The following ELF2 variants were observed in gnomAD, a reference collection of about 807,000 sequenced individuals.
ELF2 encodes ETS-related transcription factor Elf-2.
In ELF2, 11 loss-of-function variants were observed where a neutral mutation model predicts 54.8. That is an observed-to-expected ratio of 0.20 (90% CI 0.13 to 0.33). The LOEUF is 0.33. Ranked by LOEUF, ELF2 falls within the 10% of genes least tolerant of loss-of-function variation. The pLI is 1.00. For missense variants in ELF2, 513 were observed against 703.0 expected, an observed-to-expected ratio of 0.73 and a Z score of 3.06; for synonymous variants, 203 against 245.1, an observed-to-expected ratio of 0.83 and a Z score of 1.61.
Position 139,067,744 on chromosome 4 carries a change from A to G in ELF2, c.553T>C (p.Ser185Pro), listed in dbSNP as rs762876497. The change falls in exon 7 of 10, where the codon TCA (serine) becomes CCA (proline). Residue 185 changes from serine to proline, a missense_variant. Coordinates refer to ENST00000686138, the MANE Select transcript of ELF2 (RefSeq NM_001331036.3). ...TCAGGAGACCCATTGGAAATTGGTG[A>G]TTGCTGGGTCTTTGGTTTACGGCCA... ...KVGRKPKTQQ[S>P]PISNGSPELG... 1 of 1,603,804 alleles carries G rather than the reference A, an allele frequency of 6.2e-7. No individual in the cohort carries two copies. The highest frequency in any genetic ancestry group is 1.7e-5 in the Admixed American group (1 of 59,902).
At chr4:139,161,849 C>T (rs888660692) in intron 1 of ELF2, among the ~76,000 whole-genome samples, 2 of 151,946 alleles carry the variant, frequency 1.3e-5, no homozygotes, top group African/African-American at 4.8e-5. Flanking sequence ...AATCCCAGCA[C>T]TTTGGGAGGC....
upstream of ELF2, chr4:139,177,242 C>T (rs1323394066): frequency 1.4e-5 from 2 of 147,918 alleles, no homozygotes; most frequent in Non-Finnish European, 3.0e-5. Flanking sequence ...CCGCTCCGCT[C>T]CCGGCCCCCT....
intron 1 of ELF2, among the ~76,000 whole-genome samples, chr4:139,160,031 G>C (rs1208481846): frequency 6.6e-6 from 1 of 152,200 alleles, no homozygotes; most frequent in Non-Finnish European, 1.5e-5. Flanking sequence ...TGATAGATGT[G>C]GAAGATACTA....
At chr4:139,101,782 G>C (rs1396553898) in intron 4 of ELF2, 1 of 152,088 alleles carries the variant, frequency 6.6e-6, no homozygotes, top group Admixed American at 6.6e-5. Flanking sequence ...TAGGCCTTCA[G>C]ATGAAGCCTA....
At chr4:139,062,131 G>T in intron 7 of ELF2, 74 bp from the exon 8 acceptor site, 1 of 1,356,704 alleles carries the variant, frequency 7.4e-7, no homozygotes, top group Non-Finnish European at 1.0e-6. Context: ...CAAATAAAGT[G>T]TCCTTCATTG....
intron 4 of ELF2, among the ~76,000 whole-genome samples, chr4:139,082,132 T>C (rs184598039): frequency 4.3e-4 from 66 of 152,318 alleles, no homozygotes; most frequent in African/African-American, 1.5e-3. Flanking sequence ...TAGTTTCCAA[T>C]GGCAAAGTGA....
chr4:139,165,254 T>A (rs1741606916), intron 1 of ELF2, among the ~76,000 whole-genome samples: 1 of 152,228 alleles, frequency 6.6e-6, no homozygotes, highest in South Asian at 2.1e-4. Context: ...AATCTTTTGA[T>A]TATTACTGTG....
chr4:139,063,866 A>T lies in ELF2; in HGVS notation c.614-1809T>A, dbSNP rs567906599. Among the ~76,000 whole-genome samples, 624 of 152,332 alleles carry T rather than the reference A, an allele frequency of 4.1e-3. 24 individuals carry two copies. The highest frequency in any genetic ancestry group is 0.038 in the Admixed American group (578 of 15,296). ...GGAATCTGGGCAAGTAAAAAAAAAA[A>T]ACTTAATCCCAAAAGGAAGAAAGTA... On this transcript the variant is annotated intron_variant, in intron 7 of 9. Coordinates refer to ENST00000686138, the MANE Select transcript of ELF2 (RefSeq NM_001331036.3).
At chr4:139,148,174 T>C (rs1404765965) in intron 1 of ELF2, among the ~76,000 whole-genome samples, 1 of 151,410 alleles carries the variant, frequency 6.6e-6, no homozygotes. Context: ...ATGAATATAA[T>C]TATATAATAT....
At chr4:139,075,680 C>T (rs1310553105) in intron 4 of ELF2, among the ~76,000 whole-genome samples, 2 of 152,122 alleles carry the variant, frequency 1.3e-5, no homozygotes, top group Non-Finnish European at 2.9e-5. Flanking sequence ...ACACCCGCCT[C>T]GGCCTCTCAA....
intron 4 of ELF2, among the ~76,000 whole-genome samples, chr4:139,092,720 G>C (rs1732806125): frequency 6.6e-6 from 1 of 151,930 alleles, no homozygotes; most frequent in African/African-American, 2.4e-5. Context: ...AGAATGGCGT[G>C]AACCTGGGAG....
intron 1 of ELF2, among the ~76,000 whole-genome samples, chr4:139,176,589 G>A (rs1289856000): frequency 1.3e-5 from 2 of 152,006 alleles, no homozygotes; most frequent in African/African-American, 4.8e-5. Context: ...TCCGCTTCTC[G>A]GCAGAGGTGA....
In ELF2 at chr4:139,125,317, C is replaced by T; in HGVS notation, c.85G>A (p.Val29Ile). 12 of 1,606,882 alleles carry T rather than the reference C, an allele frequency of 7.5e-6. No homozygotes were observed. Among genetic ancestry groups the T allele is most frequent in the Non-Finnish European group, 1.0e-5 (12 of 1,178,454 alleles). ...ACAATCACTGCTGGATATTCAGAAA[C>T]CTTTTCACTTTCCTATAAGAGCAAA... The part of the protein sequence containing the change: ...GVENQEESEK[V>I]SEYPAVIVEP... Residue 29 changes from valine to isoleucine, a missense_variant, in exon 4 of 10, where the codon GTT becomes ATT. Physicochemically the swap from Val to Ile is conservative, Grantham distance 29. Around this residue, in one of 3 missense-constraint regions of ELF2, gnomAD observed 203 missense variants for 245.9 expected, o/e 0.83. Transcript: ENST00000686138.
At chr4:139,079,057 A>AT (rs1730718723) in intron 4 of ELF2, among the ~76,000 whole-genome samples, 1 of 151,940 alleles carries the variant, frequency 6.6e-6, no homozygotes, top group South Asian at 2.1e-4. Flanking sequence ...TCTCAAGTAG[A>AT]TGAGACCACA....
At chr4:139,060,963 T>C (rs962109240) in intron 8 of ELF2, among the ~76,000 whole-genome samples, 1 of 152,186 alleles carries the variant, frequency 6.6e-6, no homozygotes, top group Admixed American at 6.5e-5. Context: ...CCGTTGACTA[T>C]TTTACTATAC....
At chr4:139,107,541 T>C (rs981392549) in intron 4 of ELF2, among the ~76,000 whole-genome samples, 2 of 152,010 alleles carry the variant, frequency 1.3e-5, no homozygotes, top group East Asian at 3.9e-4. Flanking sequence ...AAAATCAAAC[T>C]AAAACACAAC....
chr4:139,116,815 T>C (rs1416367179), intron 4 of ELF2: 2 of 713,230 alleles, frequency 2.8e-6, no homozygotes, highest in Non-Finnish European at 3.4e-6. Context: ...TTTCTGATGG[T>C]ATAACAAATA....
chr4:139,151,082 A>AAGAAAGAAAGGG (rs1739932967), intron 1 of ELF2, among the ~76,000 whole-genome samples: 1 of 121,864 alleles, frequency 8.2e-6, no homozygotes, highest in African/African-American at 3.5e-5. Context: ...GAAAGAAAGA[A>AAGAAAGAAAGGG]AGAAAGAAAG....
intron 1 of ELF2, among the ~76,000 whole-genome samples, chr4:139,152,619 C>T (rs2148887703): frequency 6.6e-6 from 1 of 152,252 alleles, no homozygotes; most frequent in South Asian, 2.1e-4. Context: ...GTGTGAGCCA[C>T]CAGGCAGAGC....
Sources: allele counts gnomAD v4.1 joint callset (sites outside exome capture counted in the v4.1 genomes callset), GRCh38; gene constraint gnomAD v4.1.1; regional missense constraint gnomAD v4.1.1; transcripts MANE v1.5; gene names NCBI Gene and HGNC (gene_info 2026-07-23, HGNC 2026-07-21).